The following LRRC7 variants were observed in gnomAD, a reference collection of about 807,000 sequenced individuals.
LRRC7 encodes leucine-rich repeat-containing protein 7.
In LRRC7, 23 loss-of-function variants were observed where a neutral mutation model predicts 175.7. That is an observed-to-expected ratio of 0.13 (90% CI 0.09 to 0.19). The LOEUF (loss-of-function observed/expected upper bound fraction) is 0.19, where lower values mean the gene tolerates loss of function less well. Ranked by LOEUF, LRRC7 falls within the 10% of genes least tolerant of loss-of-function variation. The pLI, the probability that LRRC7 is intolerant of heterozygous loss-of-function variation, is 1.00. For missense variants in LRRC7, 1,354 were observed against 1,904.7 expected, an observed-to-expected ratio of 0.71 and a Z score of 5.38; for synonymous variants, 685 against 680.9, an observed-to-expected ratio of 1.01 and a Z score of -0.09.
At chr1:70,118,762 C>G (rs1666026208) in intron 26 of LRRC7, among the ~76,000 whole-genome samples, 4 of 152,090 alleles carry the variant, frequency 2.6e-5, no homozygotes, top group Admixed American at 2.6e-4. Context: ...ACTAAACCAA[C>G]AGGTTTCACA....
chr1:69,989,661 C>A (rs1016525216), intron 10 of LRRC7, among the ~76,000 whole-genome samples: 1 of 151,834 alleles, frequency 6.6e-6, no homozygotes, highest in African/African-American at 2.4e-5. Context: ...TTACCTTCTC[C>A]AGGAATAAAT....
At chr1:69,852,973 A>G (rs1683156962) in intron 7 of LRRC7, among the ~76,000 whole-genome samples, 1 of 152,200 alleles carries the variant, frequency 6.6e-6, no homozygotes, top group Admixed American at 6.5e-5. Context: ...TAATGCAACT[A>G]TAATTGCTAT....
At chr1:69,592,310 T>C (rs1360376958) in intron 1 of LRRC7, among the ~76,000 whole-genome samples, 1 of 152,028 alleles carries the variant, frequency 6.6e-6, no homozygotes, top group Non-Finnish European at 1.5e-5. Flanking sequence ...CAAAAGAACA[T>C]AAGAACATTG....
At chr1:69,630,950 T>C (rs1029023994) in intron 1 of LRRC7, among the ~76,000 whole-genome samples, 9 of 152,114 alleles carry the variant, frequency 5.9e-5, no homozygotes, top group Non-Finnish European at 1.0e-4. Flanking sequence ...TCTTTTTGGC[T>C]TTTGGGTTAC....
intron 7 of LRRC7, among the ~76,000 whole-genome samples, chr1:69,892,961 G>A (rs906382637): frequency 2.6e-5 from 4 of 152,092 alleles, no homozygotes; most frequent in African/African-American, 7.2e-5. Context: ...TACCTCCAAG[G>A]CACTTGATTA....
At chr1:70,076,860 G>A (rs760750615) in intron 24 of LRRC7, among the ~76,000 whole-genome samples, 3 of 152,116 alleles carry the variant, frequency 2.0e-5, no homozygotes, top group Non-Finnish European at 4.4e-5. Flanking sequence ...AAAGAATTGC[G>A]CTCTTCAAAC....
At chr1:69,597,858 A>G (rs1646904408) in intron 1 of LRRC7, among the ~76,000 whole-genome samples, 1 of 152,152 alleles carries the variant, frequency 6.6e-6, no homozygotes, top group Admixed American at 6.5e-5. Context: ...CAATATGATA[A>G]TTTTCTTTGC....
intron 1 of LRRC7, among the ~76,000 whole-genome samples, chr1:69,582,790 C>G (rs1646252443): frequency 6.6e-6 from 1 of 152,104 alleles, no homozygotes; most frequent in Non-Finnish European, 1.5e-5. Flanking sequence ...GTTGAGTTCC[C>G]TGGGTCTCTT....
chr1:70,053,107 G>C lies in LRRC7; in HGVS notation c.4192G>C (p.Gly1398Arg). Reference sequence around the variant, plus strand: ...TGGCCAATGGAATCCTTATCCACTTGGGAGGCGGGATGTACCTCCGGACAC... The same window carrying C: ...TGGCCAATGGAATCCTTATCCACTTCGGAGGCGGGATGTACCTCCGGACAC... ...PSGQWNPYPL[G>R]RRDVPPDTIT... The change falls in exon 23 of 27, where the codon GGG becomes CGG. Residue 1398 changes from glycine (G) to arginine (R), a missense_variant. By Grantham distance (125) the Gly-to-Arg change is moderately radical. Transcript: ENST00000651989. The C allele has an allele frequency of 1.2e-6, 2 of 1,610,338 alleles. No homozygotes were observed. The highest frequency in any genetic ancestry group is 1.7e-6 in the Non-Finnish European group (2 of 1,178,082).
At chr1:70,025,715 C>A (rs1658019628) in intron 17 of LRRC7, among the ~76,000 whole-genome samples, 2 of 151,600 alleles carry the variant, frequency 1.3e-5, no homozygotes, top group Admixed American at 6.6e-5. Context: ...AAATTTAAAT[C>A]TTCTGACTCC....
chr1:69,866,245 G>T (rs1056519715), intron 7 of LRRC7, among the ~76,000 whole-genome samples: 6 of 152,168 alleles, frequency 3.9e-5, no homozygotes, highest in Non-Finnish European at 8.8e-5. Flanking sequence ...AGAGAAAGAG[G>T]AATCTTCTCC....
intron 24 of LRRC7, among the ~76,000 whole-genome samples, chr1:70,077,979 A>AT (rs1180899779): frequency 6.6e-6 from 1 of 152,198 alleles, no homozygotes; most frequent in Non-Finnish European, 1.5e-5. Flanking sequence ...GGACTTAAAT[A>AT]TAACACCTTT....
intron 11 of LRRC7, among the ~76,000 whole-genome samples, chr1:69,997,026 C>T (rs1655049822): frequency 1.3e-5 from 2 of 152,196 alleles, no homozygotes; most frequent in Non-Finnish European, 1.5e-5. Context: ...TCTTCCTACC[C>T]ATGAGCATAG....
At chr1:69,931,284 C>T (rs555056880) in intron 7 of LRRC7, among the ~76,000 whole-genome samples, 1 of 152,140 alleles carries the variant, frequency 6.6e-6, no homozygotes, top group Non-Finnish European at 1.5e-5. Flanking sequence ...AAGGAGCCAG[C>T]CTTGCATGCC....
chr1:69,918,219 G>A (rs906871850), intron 7 of LRRC7, among the ~76,000 whole-genome samples: 3 of 152,144 alleles, frequency 2.0e-5, no homozygotes, highest in Admixed American at 2.0e-4. Flanking sequence ...AGCCCCCTAT[G>A]TCAAAGAATT....
At chr1:69,690,316 C>T (rs1661688862) in intron 2 of LRRC7, among the ~76,000 whole-genome samples, 1 of 152,144 alleles carries the variant, frequency 6.6e-6, no homozygotes. Flanking sequence ...AGTCATAAAA[C>T]TTCATTCAAC....
rs1665815761 is a variant in LRRC7, at chr1:70,115,865, C to A, written c.4621-5915C>A. On this transcript the variant is annotated intron_variant, in intron 26 of 26. Transcript: ENST00000651989. ...GAACCTGTCATTTTTATCAAATGAGCCTGTCATTTAAGAGCAAGCTCTTCA... is the reference window on the plus strand; with the variant it reads ...GAACCTGTCATTTTTATCAAATGAGACTGTCATTTAAGAGCAAGCTCTTCA... Among the ~76,000 whole-genome samples the A allele has an allele frequency of 3.9e-5, 6 of 152,106 alleles. No homozygotes were observed. In the South Asian group the frequency reaches 1.0e-3, roughly 26 times the overall value.
intron 7 of LRRC7, among the ~76,000 whole-genome samples, chr1:69,920,475 T>G (rs1646857653): frequency 6.6e-6 from 1 of 152,206 alleles, no homozygotes; most frequent in Non-Finnish European, 1.5e-5. Context: ...TCATTAATAT[T>G]TATCCTATAC....
chr1:69,942,832 A>T (rs149482676), intron 8 of LRRC7, among the ~76,000 whole-genome samples: 77 of 152,226 alleles, frequency 5.1e-4, no homozygotes, highest in African/African-American at 1.8e-3. Flanking sequence ...TGGAATTAGG[A>T]TGTGAACATC....
Sources: gnomAD v4.1 joint callset for allele counts (sites outside exome capture counted in the v4.1 genomes callset) on GRCh38, gnomAD v4.1.1 for gene constraint, MANE v1.5 for transcripts, NCBI Gene and HGNC (gene_info 2026-07-23, HGNC 2026-07-21) for gene names.